The following C8orf34 variants were observed in gnomAD, a reference collection of about 807,000 sequenced individuals.
The protein encoded by C8orf34 is uncharacterized protein C8orf34.
A neutral mutation model predicts 68.3 loss-of-function variants in C8orf34; 65 were observed. The observed-to-expected ratio is 0.95, with a 90% CI of 0.78 to 1.17. The LOEUF is 1.17. Ranked by LOEUF, C8orf34 falls within the 50% of genes most tolerant of loss-of-function variation. C8orf34 has a pLI of 0.00. For synonymous variants in C8orf34, 244 were observed against 241.2 expected (o/e 1.01, Z -0.11); for missense variants, 664 against 655.4 (o/e 1.01, Z -0.14).
chr8:68,415,269 C>G (rs553839675), intron 1 of C8orf34, among the ~76,000 whole-genome samples: 1 of 152,210 alleles, frequency 6.6e-6, no homozygotes, highest in South Asian at 2.1e-4. Context: ...CACCTGAGGT[C>G]AGGAGTTTGA....
intron 1 of C8orf34, among the ~76,000 whole-genome samples, chr8:68,424,628 A>G (rs1300949518): frequency 6.6e-6 from 1 of 152,240 alleles, no homozygotes; most frequent in East Asian, 1.9e-4. Flanking sequence ...TAGAGATTGT[A>G]AAAAAGAGCC....
intron 5 of C8orf34, among the ~76,000 whole-genome samples, chr8:68,492,614 A>G (rs1481739073): frequency 6.6e-6 from 1 of 151,842 alleles, no homozygotes; most frequent in Non-Finnish European, 1.5e-5. Context: ...TTTCCATCCA[A>G]ACTGTATTGC....
At chr8:68,700,118 C>T (rs1414420922) in intron 8 of C8orf34, among the ~76,000 whole-genome samples, 14 of 151,996 alleles carry the variant, frequency 9.2e-5, no homozygotes. Context: ...AGAATCAGGC[C>T]ACAGCAAGAG....
intron 7 of C8orf34, among the ~76,000 whole-genome samples, chr8:68,608,315 G>C (rs1188844881): frequency 7.5e-6 from 1 of 133,058 alleles, no homozygotes; most frequent in African/African-American, 3.6e-5. Context: ...TCTTCTAGGA[G>C]AGACAGAGGG....
chr8:68,716,513 G>A (rs1357621854), intron 9 of C8orf34, among the ~76,000 whole-genome samples: 3 of 152,012 alleles, frequency 2.0e-5, no homozygotes, highest in Non-Finnish European at 2.9e-5. Context: ...AAACACAAAA[G>A]TCCAACAAGC....
At chr8:68,613,780 T>C in intron 7 of C8orf34, among the ~76,000 whole-genome samples, 1 of 152,030 alleles carries the variant, frequency 6.6e-6, no homozygotes. Context: ...AGCAGCATGA[T>C]TTATAGTCTT....
intron 7 of C8orf34, among the ~76,000 whole-genome samples, chr8:68,622,935 A>G (rs1818430688): frequency 6.6e-6 from 1 of 152,214 alleles, no homozygotes; most frequent in African/African-American, 2.4e-5. Context: ...GTGATGGGGT[A>G]TCTGATGAAA....
At chr8:68,392,823 T>C (rs1206752915) in intron 1 of C8orf34, among the ~76,000 whole-genome samples, 1 of 152,156 alleles carries the variant, frequency 6.6e-6, no homozygotes, top group Non-Finnish European at 1.5e-5. Flanking sequence ...TTTTGAAAAG[T>C]GATAATATCA....
In C8orf34 at chr8:68,432,900, T is replaced by C. The variant is rs1810507221; in HGVS notation, c.328-6599T>C. On this transcript the variant is annotated intron_variant, in intron 1 of 13. Transcript: ENST00000518698. ...GGCAGGAAAAACATGCTTACCATTC[T>C]ACTGCCATTCAAAAAAAATAGAATG... Among the ~76,000 whole-genome samples, 4 of 152,164 alleles carry C rather than the reference T, an allele frequency of 2.6e-5. No individual in the cohort carries two copies. In the South Asian group the frequency reaches 8.3e-4, roughly 32 times the overall value.
At chr8:68,620,346 G>A (rs578111065) in intron 7 of C8orf34, among the ~76,000 whole-genome samples, 1 of 152,272 alleles carries the variant, frequency 6.6e-6, no homozygotes, top group South Asian at 2.1e-4. Context: ...GTTGGGGTTG[G>A]CATTCAGAGG....
At chr8:68,566,835 A>C (rs1457587911) in intron 7 of C8orf34, among the ~76,000 whole-genome samples, 1 of 152,182 alleles carries the variant, frequency 6.6e-6, no homozygotes, top group Non-Finnish European at 1.5e-5. Flanking sequence ...AGTTTTCATC[A>C]TAAAGGGATG....
At chr8:68,637,338 G>A (rs545671355) in intron 7 of C8orf34, among the ~76,000 whole-genome samples, 3 of 152,226 alleles carry the variant, frequency 2.0e-5, no homozygotes, top group East Asian at 3.9e-4. Context: ...TCCAAGTAGA[G>A]TGCCTGAATA....
At chr8:68,507,511 GGGGT>G (rs1269080026) in intron 5 of C8orf34, among the ~76,000 whole-genome samples, 1 of 152,156 alleles carries the variant, frequency 6.6e-6, no homozygotes, top group Non-Finnish European at 1.5e-5. Flanking sequence ...CAGGAGTGTG[GGGGT>G]ATTTCTTAAT....
chr8:68,378,551 G>C (rs554423972), intron 1 of C8orf34, among the ~76,000 whole-genome samples: 2 of 152,250 alleles, frequency 1.3e-5, no homozygotes, highest in African/African-American at 4.8e-5. Flanking sequence ...GCCTCCCAAA[G>C]TGCTGGGATT....
rs544101945 is a variant in C8orf34 at position 68,388,620 on chromosome 8, GAGAAATGAACAAGTGGATATTCATCAAA to G, written c.328-50851_328-50824del. ...TATGGCATCATGATACTCATCTGAT[GAGAAATGAACAAGTGGATATTCATCAAA>G]AGAAATGAACAAGTGGATATTCATC... On this transcript the variant is annotated intron_variant, in intron 1 of 13. Transcript: ENST00000518698. Among the ~76,000 whole-genome samples, 31 of 152,150 alleles carry G rather than the reference GAGAAATGAACAAGTGGATATTCATCAAA, an allele frequency of 2.0e-4. No individual in the cohort carries two copies. In the East Asian group the frequency reaches 3.9e-3, roughly 19 times the overall value.
At chr8:68,543,263 C>A (rs1815759208) in intron 7 of C8orf34, among the ~76,000 whole-genome samples, 1 of 152,014 alleles carries the variant, frequency 6.6e-6, no homozygotes, top group South Asian at 2.1e-4. Flanking sequence ...AGGCTAATTT[C>A]AGGGCCTTTT....
chr8:68,535,498 A>T, intron 7 of C8orf34: 1 of 960,240 alleles, frequency 1.0e-6, no homozygotes, highest in Non-Finnish European at 1.2e-6. Flanking sequence ...CTTCAATAAA[A>T]TTGGTTGATT....
intron 8 of C8orf34, among the ~76,000 whole-genome samples, chr8:68,677,338 A>G (rs1217269666): frequency 6.6e-6 from 1 of 152,146 alleles, no homozygotes; most frequent in Non-Finnish European, 1.5e-5. Context: ...AAAACTTCAA[A>G]TAAACAACCT....
At chr8:68,709,264 G>A (rs1483766090) in intron 9 of C8orf34, among the ~76,000 whole-genome samples, 185 bp downstream of exon 9, 2 of 152,154 alleles carry the variant, frequency 1.3e-5, no homozygotes, top group Non-Finnish European at 2.9e-5. Context: ...AGGAGAGAAG[G>A]AATTGAGAAG....
Sources: gnomAD v4.1 joint callset for allele counts (sites outside exome capture counted in the v4.1 genomes callset) on GRCh38, gnomAD v4.1.1 for gene constraint, MANE v1.5 for transcripts, NCBI Gene and HGNC (gene_info 2026-07-23, HGNC 2026-07-21) for gene names.